The following KAZN variants were observed in gnomAD, a reference collection of about 807,000 sequenced individuals.
KAZN encodes the protein kazrin.
A neutral mutation model predicts 87.4 loss-of-function variants in KAZN; 40 were observed. That is an observed-to-expected ratio of 0.46 (90% CI 0.36 to 0.60). The LOEUF is 0.60. Among genes scored for constraint, KAZN ranks in the 20% least tolerant of loss-of-function variants. The pLI is 0.00. For missense variants in KAZN, 898 were observed against 1,073.9 expected (o/e 0.84, Z 2.29); for synonymous variants, 466 against 458.3 (o/e 1.02, Z -0.22).
chr1:14,460,327 C>T (rs774431472), intron 2 of KAZN, among the ~76,000 whole-genome samples: 1 of 152,238 alleles, frequency 6.6e-6, no homozygotes, highest in African/African-American at 2.4e-5. Flanking sequence ...CTGAGGCTTC[C>T]CTTATTCACA....
At chr1:14,706,740 A>G (rs977349142) in intron 1 of KAZN, among the ~76,000 whole-genome samples, 3 of 152,222 alleles carry the variant, frequency 2.0e-5, no homozygotes, top group Admixed American at 6.5e-5. Context: ...CTCAGCACAT[A>G]ACAGTTTCTC....
At chr1:14,553,994 T>G (rs1470385649) in intron 2 of KAZN, among the ~76,000 whole-genome samples, 1 of 152,138 alleles carries the variant, frequency 6.6e-6, no homozygotes, top group Non-Finnish European at 1.5e-5. Flanking sequence ...GAACCCAAGC[T>G]TCTGGGAATT....
intron 2 of KAZN, among the ~76,000 whole-genome samples, chr1:14,973,125 C>G (rs893588692): frequency 2.6e-5 from 4 of 152,140 alleles, no homozygotes; most frequent in Admixed American, 2.6e-4. Context: ...ATTTGAAGCT[C>G]TGTGTCTGAC....
chr1:14,084,644 TA>T (rs892208310), intron 1 of KAZN, among the ~76,000 whole-genome samples: 4 of 147,264 alleles, frequency 2.7e-5, no homozygotes, highest in African/African-American at 5.0e-5. Flanking sequence ...TCTGTAACTT[TA>T]AAAAAAAAGT....
chr1:14,194,591 T>C (rs1003177026), intron 2 of KAZN, among the ~76,000 whole-genome samples: 4 of 152,162 alleles, frequency 2.6e-5, no homozygotes, highest in Non-Finnish European at 4.4e-5. Context: ...AAGTATCTAT[T>C]TGCATTTGGA....
intron 2 of KAZN, among the ~76,000 whole-genome samples, chr1:14,378,632 T>A (rs1028953090): frequency 9.2e-5 from 14 of 152,152 alleles, no homozygotes; most frequent in African/African-American, 3.4e-4. Context: ...TGCTGCCCCG[T>A]CACAGCAGAA....
At chr1:14,248,600 G>C (rs10157046) in intron 2 of KAZN, among the ~76,000 whole-genome samples, 43,057 of 152,198 alleles carry the variant, frequency 0.28, 6,708 homozygotes, top group Middle Eastern at 0.41. Context: ...GACTAGTTAG[G>C]AAGACTGGGA....
At chr1:14,204,263 A>G (rs1470890936) in intron 2 of KAZN, among the ~76,000 whole-genome samples, 1 of 152,192 alleles carries the variant, frequency 6.6e-6, no homozygotes, top group Non-Finnish European at 1.5e-5. Context: ...CTTCACGATT[A>G]TTCTTTCTCC....
chr1:15,085,174 A>C (rs6669703), intron 8 of KAZN, among the ~76,000 whole-genome samples: 46,746 of 151,748 alleles, frequency 0.31, 8,763 homozygotes, highest in East Asian at 0.82. Context: ...AATGCAACGC[A>C]CAGAGATGAG....
Position 13,924,520 on chromosome 1 carries a change from G to A in KAZN, c.91+30764G>A, listed in dbSNP as rs552453809. On this transcript the variant is annotated intron_variant, in intron 1 of 16. Coordinates refer to the KAZN transcript ENST00000636203. ...TCACTAATCTAAAGGGAAAAGTCAA[G>A]CTGGGAACCGCTTAGGGCAAACCTG... Among the ~76,000 whole-genome samples, 4 of 152,276 alleles carry A rather than the reference G, an allele frequency of 2.6e-5. No individual in the cohort carries two copies. In the South Asian group the frequency reaches 6.2e-4, roughly 24 times the overall value.
At position 14,610,768 on chromosome 1, in the gene KAZN, G is replaced by A. The variant is rs77503130; in HGVS notation, c.226+11545G>A. ...CCTGCATGGAGACTAGTGGATGTGTGTATTCTTTGGGTACCGGAGCCAGGA... is the reference window on the plus strand; with the variant it reads ...CCTGCATGGAGACTAGTGGATGTGTATATTCTTTGGGTACCGGAGCCAGGA... On this transcript the variant is annotated intron_variant, in intron 1 of 14. Transcript: ENST00000376030. Among the ~76,000 whole-genome samples the A allele has an allele frequency of 5.0e-3, 763 of 152,040 alleles. 11 individuals are homozygous for A. Among genetic ancestry groups the A allele is most frequent in the African/African-American group, 0.017 (718 of 41,436 alleles).
At chr1:15,001,235 G>T (rs1409463031) in intron 2 of KAZN, among the ~76,000 whole-genome samples, 1 of 151,798 alleles carries the variant, frequency 6.6e-6, no homozygotes, top group Admixed American at 6.6e-5. Context: ...GCTGACGCGG[G>T]TGGATCACTT....
At position 14,022,875 on chromosome 1, in the gene KAZN, T is replaced by G. The variant is rs553705264; in HGVS notation, c.91+129119T>G. ...ATTAGGGAAGTGACTGGCCTGGGTT[T>G]AAACCCCATTTCTACCATGAAGTGT... On this transcript the variant is annotated intron_variant, in intron 1 of 16. Transcript: ENST00000636203. Among the ~76,000 whole-genome samples the G allele has an allele frequency of 2.0e-5, 3 of 152,356 alleles. No individual in the cohort carries two copies. The South Asian group carries it at 6.2e-4, about 32-fold the overall frequency.
intron 1 of KAZN, among the ~76,000 whole-genome samples, chr1:13,990,879 T>A (rs1419369621): frequency 6.6e-6 from 1 of 152,218 alleles, no homozygotes; most frequent in Non-Finnish European, 1.5e-5. Context: ...GTGATTACTG[T>A]AAATCCTTTC....
intron 2 of KAZN, among the ~76,000 whole-genome samples, chr1:14,279,664 C>T (rs1652687344): frequency 2.0e-5 from 3 of 152,182 alleles, no homozygotes; most frequent in Admixed American, 2.0e-4. Flanking sequence ...GTCTCCTAGA[C>T]TTGTTTGAGG....
At chr1:14,727,323 G>T (rs145310145) in intron 1 of KAZN, among the ~76,000 whole-genome samples, 281 of 152,090 alleles carry the variant, frequency 1.8e-3, no homozygotes, top group Middle Eastern at 3.4e-3. Flanking sequence ...TGATGAATTA[G>T]TTCAGCGGTC....
chr1:14,283,550 ACACT>A (rs1653010363), intron 2 of KAZN, among the ~76,000 whole-genome samples: 1 of 152,368 alleles, frequency 6.6e-6, no homozygotes, highest in African/African-American at 2.4e-5. Context: ...ATACCACTTC[ACACT>A]CACTAGGATG....
chr1:14,976,031 C>CAA (rs1162988294), intron 2 of KAZN, among the ~76,000 whole-genome samples: 129 of 85,080 alleles, frequency 1.5e-3, no homozygotes, highest in Middle Eastern at 6.6e-3. Flanking sequence ...GACTCCGTCT[C>CAA]AAAAAAAAAA....
chr1:15,110,453 ATTTGTGTGTG>A (rs1239631421), intron 13 of KAZN, among the ~76,000 whole-genome samples: 2 of 141,666 alleles, frequency 1.4e-5, no homozygotes, highest in East Asian at 2.2e-4. Context: ...GTATGTGTGT[ATTTGTGTGTG>A]TTTGTATGTT....
Sources: allele counts gnomAD v4.1 joint callset (sites outside exome capture counted in the v4.1 genomes callset), GRCh38; gene constraint gnomAD v4.1.1; transcripts MANE v1.5; gene names NCBI Gene and HGNC (gene_info 2026-07-23, HGNC 2026-07-21).